Variants in XPO4 observed in about 807,000 individuals in gnomAD.
XPO4 encodes the protein exportin 4, also known as exportin-4.
In XPO4, 39 loss-of-function variants were observed where a neutral mutation model predicts 143.0. That is an observed-to-expected ratio of 0.27 (90% CI 0.21 to 0.36). XPO4 has a LOEUF of 0.36. Among genes scored for constraint, XPO4 ranks in the 10% least tolerant of loss-of-function variants. The probability of loss-of-function intolerance (pLI) is 1.00; values close to 1 mark genes in which losing one functional copy is unlikely to be tolerated. For synonymous variants in XPO4, 439 were observed against 474.0 expected (o/e 0.93, Z 0.96); for missense variants, 907 against 1,348.0 (o/e 0.67, Z 5.12).
chr13:20,857,572 A>C (rs2060156186), intron 3 of XPO4, among the ~76,000 whole-genome samples: 1 of 152,012 alleles, frequency 6.6e-6, no homozygotes, highest in Non-Finnish European at 1.5e-5. Context: ...CTAAAAAAAA[A>C]AAAAATTAGC....
At chr13:20,847,443 C>T (rs1410417851) in intron 4 of XPO4, among the ~76,000 whole-genome samples, 2 of 152,056 alleles carry the variant, frequency 1.3e-5, no homozygotes, top group African/African-American at 4.8e-5. Flanking sequence ...AGCTTCTTCC[C>T]AGGAAAGAGA....
rs184127513 is a variant in XPO4, at chr13:20,829,742, C to T, written c.728-2563G>A. 6.7e-3 allele frequency among the ~76,000 whole-genome samples: 1,027 copies of T among 152,194 alleles called. 5 individuals are homozygous for T. Among genetic ancestry groups the T allele is most frequent in the Admixed American group, 0.012 (178 of 15,292 alleles). On this transcript the variant is annotated intron_variant, in intron 6 of 22. Coordinates refer to ENST00000255305, the MANE Select transcript of XPO4 (RefSeq NM_022459.5). ...GAGAGTCTCTCACATTCTAATTATG[C>T]CCTCCAGGTATAATACAGCAAGGGG...
At position 20,855,758 on chromosome 13, in the gene XPO4, T is replaced by G; in HGVS notation, c.325A>C (p.Lys109Gln). The G allele has an allele frequency of 6.3e-7, 1 of 1,589,948 alleles. No individual in the cohort carries two copies. Among genetic ancestry groups the G allele is most frequent in the Non-Finnish European group, 8.5e-7 (1 of 1,173,234 alleles). ...AGTAGAATCTGTTCCCGAACATACT[T>G]TTGAAGGCTGTAAAACATAAAAATC... ...TYVLQRPNLQ[K>Q]YVREQILLAV... is the part of the protein sequence containing the mutation. Residue 109 changes from lysine to glutamine, a missense_variant, in exon 4 of 23, where the codon AAG becomes CAG. Physicochemically the swap from Lys to Gln is moderately conservative, Grantham distance 53. Coordinates refer to ENST00000255305, the MANE Select transcript of XPO4 (RefSeq NM_022459.5).
Position 20,898,447 on chromosome 13 carries a change from C to G in XPO4, c.69+4223G>C, listed in dbSNP as rs555629426. Among the ~76,000 whole-genome samples the G allele has an allele frequency of 7.9e-4, 121 of 152,216 alleles. 1 individual carries two copies. The highest frequency in any genetic ancestry group is 2.9e-3 in the African/African-American group (120 of 41,522). ...AGGCGTGGTGCCAGGTACCTGCAGT[C>G]TCAACTACTTGGGAGGCTGAGGCAG... On this transcript the variant is annotated intron_variant, in intron 1 of 22. Transcript: ENST00000255305.
chr13:20,893,557 G>A (rs1039151782), intron 1 of XPO4, among the ~76,000 whole-genome samples: 1 of 151,986 alleles, frequency 6.6e-6, no homozygotes, highest in Non-Finnish European at 1.5e-5. Flanking sequence ...AGCCAACATG[G>A]TGAAACTCCC....
intron 13 of XPO4, among the ~76,000 whole-genome samples, chr13:20,807,002 A>G (rs761858930): frequency 6.6e-6 from 1 of 152,126 alleles, no homozygotes; most frequent in Admixed American, 6.6e-5. Flanking sequence ...CACATTTAGA[A>G]TACATATTTC....
At chr13:20,856,162 C>A (rs1399892874) in intron 3 of XPO4, 1 of 242,500 alleles carries the variant, frequency 4.1e-6, no homozygotes, top group Admixed American at 6.5e-5. Flanking sequence ...GGAAAAAAAT[C>A]ACTAAGATTA....
At chr13:20,873,081 G>A (rs1014660179) in intron 1 of XPO4, among the ~76,000 whole-genome samples, 1 of 141,266 alleles carries the variant, frequency 7.1e-6, no homozygotes, top group South Asian at 2.3e-4. Flanking sequence ...GTAGAGACCC[G>A]TGACCATTCC....
intron 9 of XPO4, among the ~76,000 whole-genome samples, chr13:20,811,305 T>C (rs2059579063): frequency 6.7e-6 from 1 of 150,040 alleles, no homozygotes; most frequent in Non-Finnish European, 1.5e-5. Context: ...TTTTTTTTTT[T>C]GAGATGGAGT....
At chr13:20,800,598 T>C (rs1276524530) in intron 14 of XPO4, among the ~76,000 whole-genome samples, 2 of 152,308 alleles carry the variant, frequency 1.3e-5, no homozygotes, top group African/African-American at 2.4e-5. Context: ...GCATAATCTA[T>C]TCCCAAATAA....
chr13:20,800,236 G>A lies in XPO4; in HGVS notation c.2067C>T (p.Asn689=). The change falls in exon 15 of 23, where the codon AAC becomes AAT. Residue 689 remains asparagine, a synonymous_variant. Transcript: ENST00000255305. ...CCTGCTCACTACTCCAGACTGAGAG[G>A]TTACTGATGACTTTTTGTAAGAGGT... ...IGYLLQKVIS[N]LSVWSSEQDL... The A allele has an allele frequency of 1.2e-6, 2 of 1,614,118 alleles. No individual in the cohort carries two copies. The highest frequency in any genetic ancestry group is 2.7e-5 in the African/African-American group (2 of 75,026).
At chr13:20,868,159 C>A (rs2060260644) in intron 2 of XPO4, among the ~76,000 whole-genome samples, 2 of 146,330 alleles carry the variant, frequency 1.4e-5, no homozygotes, top group African/African-American at 5.0e-5. Context: ...TGAGTACAAA[C>A]TAAATGGTTA....
chr13:20,831,845 A>G (rs2059856733), intron 6 of XPO4, among the ~76,000 whole-genome samples: 2 of 139,066 alleles, frequency 1.4e-5, no homozygotes, highest in Non-Finnish European at 3.0e-5. Context: ...TGTACCAAAT[A>G]CAAGTCCACT....
intron 2 of XPO4, among the ~76,000 whole-genome samples, chr13:20,868,127 G>A (rs767166311): frequency 6.6e-6 from 1 of 150,852 alleles, no homozygotes; most frequent in African/African-American, 2.4e-5. Flanking sequence ...ACGCAGAAAT[G>A]ACTGATATTC....
In XPO4 at chr13:20,859,064, G is replaced by T. The variant is rs1034071288; in HGVS notation, c.318-3299C>A. 8.8e-4 allele frequency among the ~76,000 whole-genome samples: 133 copies of T among 151,776 alleles called. 1 individual carries two copies. The highest frequency in any genetic ancestry group is 3.1e-3 in the African/African-American group (130 of 41,274). On this transcript the variant is annotated intron_variant, in intron 3 of 22. Transcript: ENST00000255305. ...AGATTAATTTGGGCCAGGTACGGTGGTTCATTCCTGCAATCCCAGCCCTTT... is the reference window on the plus strand; with the variant it reads ...AGATTAATTTGGGCCAGGTACGGTGTTTCATTCCTGCAATCCCAGCCCTTT...
chr13:20,872,469 G>T (rs2060308087), intron 1 of XPO4, among the ~76,000 whole-genome samples: 1 of 151,892 alleles, frequency 6.6e-6, no homozygotes, highest in South Asian at 2.1e-4. Context: ...AATTCCTAGG[G>T]CCTACCACAT....
chr13:20,822,579 T>C (rs2059733922), intron 7 of XPO4, among the ~76,000 whole-genome samples: 1 of 152,214 alleles, frequency 6.6e-6, no homozygotes, highest in African/African-American at 2.4e-5. Flanking sequence ...CAGTCAGACA[T>C]ACTGCTTCTT....
At chr13:20,847,591 C>T (rs184720471) in intron 4 of XPO4, among the ~76,000 whole-genome samples, 7 of 152,192 alleles carry the variant, frequency 4.6e-5, no homozygotes, top group Admixed American at 6.5e-5. Context: ...TGCACTACCC[C>T]CTAACTCACC....
At chr13:20,839,432 T>C (rs997617116) in intron 6 of XPO4, among the ~76,000 whole-genome samples, 1 of 152,216 alleles carries the variant, frequency 6.6e-6, no homozygotes, top group African/African-American at 2.4e-5. Context: ...ATGAAAATGT[T>C]CTAAAACTAC....
Sources: allele counts gnomAD v4.1 joint callset (sites outside exome capture counted in the v4.1 genomes callset), GRCh38; gene constraint gnomAD v4.1.1; transcripts MANE v1.5; gene names NCBI Gene and HGNC (gene_info 2026-07-23, HGNC 2026-07-21).